The following ST6GALNAC3 variants were observed in gnomAD, a reference collection of about 807,000 sequenced individuals.
ST6GALNAC3 encodes the protein alpha-N-acetylgalactosaminide alpha-2,6-sialyltransferase 3.
ST6GALNAC3 carries 25 observed loss-of-function variants against 32.7 expected under a neutral mutation model. The ratio of observed to expected loss-of-function variants is 0.76; its 90% confidence interval spans 0.56 to 1.07. The LOEUF (loss-of-function observed/expected upper bound fraction) is 1.07, where lower values mean the gene tolerates loss of function less well. ST6GALNAC3 is among the 50% of genes least tolerant of loss of function. The pLI is 0.00. For missense variants in ST6GALNAC3, 355 were observed against 382.4 expected (o/e 0.93, Z 0.60); for synonymous variants, 129 against 133.1 (o/e 0.97, Z 0.21).
intron 1 of ST6GALNAC3, among the ~76,000 whole-genome samples, chr1:76,155,092 G>A (rs545005576): frequency 8.0e-4 from 121 of 152,048 alleles, no homozygotes; most frequent in Middle Eastern, 3.4e-3. Context: ...TGTGGGAATC[G>A]GGGAGTGCCC....
intron 3 of ST6GALNAC3, among the ~76,000 whole-genome samples, chr1:76,544,772 G>C (rs535203993): frequency 2.6e-5 from 4 of 152,124 alleles, no homozygotes; most frequent in South Asian, 2.1e-4. Flanking sequence ...AGTTATCAGC[G>C]TATCGATGGT....
At chr1:76,483,230 G>T (rs540535144) in intron 3 of ST6GALNAC3, among the ~76,000 whole-genome samples, 178 of 152,232 alleles carry the variant, frequency 1.2e-3, no homozygotes, top group African/African-American at 4.1e-3. Context: ...AATCCTTCGG[G>T]TATATACCCA....
chr1:76,103,050 A>G (rs983170451), intron 1 of ST6GALNAC3, among the ~76,000 whole-genome samples: 1 of 149,956 alleles, frequency 6.7e-6, no homozygotes, highest in Non-Finnish European at 1.5e-5. Context: ...ATTTCTGTTG[A>G]TAAGTTAGAT....
intron 1 of ST6GALNAC3, among the ~76,000 whole-genome samples, chr1:76,176,018 T>C (rs2100441130): frequency 6.6e-6 from 1 of 152,348 alleles, no homozygotes; most frequent in Non-Finnish European, 1.5e-5. Context: ...TTGGGTAACT[T>C]GATTTCCCAA....
chr1:76,141,706 A>G (rs1650335600), intron 1 of ST6GALNAC3, among the ~76,000 whole-genome samples: 1 of 152,204 alleles, frequency 6.6e-6, no homozygotes, highest in South Asian at 2.1e-4. Flanking sequence ...TAACACATAC[A>G]TCCCCTCCCA....
intron 3 of ST6GALNAC3, among the ~76,000 whole-genome samples, chr1:76,575,098 C>T (rs892756102): frequency 2.0e-5 from 3 of 152,120 alleles, no homozygotes; most frequent in Admixed American, 1.3e-4. Context: ...AACATGTTGT[C>T]TTGGAGAAGC....
chr1:76,169,828 A>G (rs898362391), intron 1 of ST6GALNAC3, among the ~76,000 whole-genome samples: 1 of 152,116 alleles, frequency 6.6e-6, no homozygotes, highest in Non-Finnish European at 1.5e-5. Context: ...TTTAAAATAT[A>G]TATATATACT....
chr1:76,636,810 C>T (rs1405522783), downstream of ST6GALNAC3: 1 of 151,980 alleles, frequency 6.6e-6, no homozygotes, highest in Non-Finnish European at 1.5e-5. Context: ...CTTAGTTTGT[C>T]CATTGAGAAA....
At chr1:76,220,531 G>T (rs1655706825) in intron 1 of ST6GALNAC3, among the ~76,000 whole-genome samples, 1 of 152,174 alleles carries the variant, frequency 6.6e-6, no homozygotes, top group African/African-American at 2.4e-5. Flanking sequence ...CACAGATCTT[G>T]TAATCTATCA....
At chr1:76,487,926 G>A (rs1660234239) in intron 3 of ST6GALNAC3, among the ~76,000 whole-genome samples, 1 of 152,076 alleles carries the variant, frequency 6.6e-6, no homozygotes, top group African/African-American at 2.4e-5. Context: ...CTTTCTGTTT[G>A]TTAGTTTTCC....
At chr1:76,287,387 CTTT>C (rs5775339) in intron 1 of ST6GALNAC3, among the ~76,000 whole-genome samples, 21 of 130,744 alleles carry the variant, frequency 1.6e-4, no homozygotes, top group Non-Finnish European at 2.7e-4. Context: ...TTTTTTCTTC[CTTT>C]TTTTTTTTTT....
chr1:76,113,341 A>G (rs1284377604), intron 1 of ST6GALNAC3, among the ~76,000 whole-genome samples: 18 of 10,618 alleles, frequency 1.7e-3, no homozygotes, highest in East Asian at 3.1e-3. Flanking sequence ...GAGACGGGAG[A>G]GGGAGGGGGA....
intron 2 of ST6GALNAC3, among the ~76,000 whole-genome samples, chr1:76,397,311 A>G (rs1348879278): frequency 6.6e-6 from 1 of 150,850 alleles, no homozygotes; most frequent in African/African-American, 2.4e-5. Flanking sequence ...CTGAAAAACC[A>G]CTTGTAGTTA....
chr1:76,607,722 CAG>C lies in ST6GALNAC3; in HGVS notation c.624-19728_624-19727del, dbSNP rs528541672. Among the ~76,000 whole-genome samples the C allele has an allele frequency of 1.7e-3, 265 of 152,256 alleles. 2 individuals carry two copies. The highest frequency in any genetic ancestry group is 6.0e-3 in the African/African-American group (248 of 41,552). ...ATTTCTTCCTCTGGGTTGATGGAGA[CAG>C]AACCAAAGTGCAAGTCTTATACAAA... On this transcript the variant is annotated intron_variant, in intron 3 of 4. Coordinates refer to ENST00000328299, the MANE Select transcript of ST6GALNAC3 (RefSeq NM_152996.4).
chr1:76,364,958 C>A (rs994407570), intron 2 of ST6GALNAC3, among the ~76,000 whole-genome samples: 1 of 152,116 alleles, frequency 6.6e-6, no homozygotes, highest in African/African-American at 2.4e-5. Context: ...CCATTTGACC[C>A]AGCAATCCCA....
intron 1 of ST6GALNAC3, among the ~76,000 whole-genome samples, chr1:76,153,140 T>A (rs1287205951): frequency 6.6e-6 from 1 of 152,222 alleles, no homozygotes; most frequent in African/African-American, 2.4e-5. Context: ...AATGGATATG[T>A]CATGCTTTTT....
Position 76,178,119 on chromosome 1 carries a change from G to A in ST6GALNAC3, c.18+103235G>A, listed in dbSNP as rs552529481. The stretch of plus-strand genomic sequence containing the variant: ...ATGAGGCTGTAAGATTTTGAACTCT[G>A]TGCCCTTCAGAGGCTCTGCCTCAGG... On this transcript the variant is annotated intron_variant, in intron 1 of 4. Coordinates refer to ENST00000328299, the MANE Select transcript of ST6GALNAC3 (RefSeq NM_152996.4). Among the ~76,000 whole-genome samples, 6 of 152,326 alleles carry A rather than the reference G, an allele frequency of 3.9e-5. No individual in the cohort carries two copies. In the East Asian group the frequency reaches 7.7e-4, roughly 20 times the overall value.
intron 1 of ST6GALNAC3, among the ~76,000 whole-genome samples, chr1:76,185,210 C>T (rs1035187272): frequency 3.9e-5 from 6 of 152,084 alleles, no homozygotes; most frequent in Non-Finnish European, 7.4e-5. Context: ...TAGTGCTTCT[C>T]GACATTTTGA....
At chr1:76,320,243 A>T (rs1030501055) in intron 2 of ST6GALNAC3, among the ~76,000 whole-genome samples, 3 of 151,666 alleles carry the variant, frequency 2.0e-5, no homozygotes, top group Admixed American at 6.6e-5. Flanking sequence ...AGCCCCTATG[A>T]CTCCCAGTAG....
Sources: gnomAD v4.1 joint callset for allele counts (sites outside exome capture counted in the v4.1 genomes callset) on GRCh38, gnomAD v4.1.1 for gene constraint, MANE v1.5 for transcripts, NCBI Gene and HGNC (gene_info 2026-07-23, HGNC 2026-07-21) for gene names.